DMD: variants seen among roughly 807,000 people sequenced by gnomAD.
DMD encodes mutant dystrophin.
In DMD, 63 loss-of-function variants were observed where a neutral mutation model predicts 330.1. That is an observed-to-expected ratio of 0.19 (90% confidence interval 0.16 to 0.24). The LOEUF (loss-of-function observed/expected upper bound fraction) is 0.24. DMD is among the 10% of genes least tolerant of loss of function. The pLI, the probability that DMD is intolerant of heterozygous loss-of-function variation, is 1.00. For missense variants in DMD, 3,344 were observed against 2,684.1 expected, an observed-to-expected ratio of 1.25 and a Z score of -5.43; for synonymous variants, 1,223 against 959.8, an observed-to-expected ratio of 1.27 and a Z score of -5.07.
chrX:32,312,254 G>C (rs1224017816), intron 41 of DMD, among the ~76,000 whole-genome samples: 1 of 111,129 alleles, frequency 9.0e-6, no homozygotes, highest in African/African-American at 3.3e-5. Flanking sequence ...AACAAAAGCA[G>C]TGGGAATTCA....
intron 41 of DMD, among the ~76,000 whole-genome samples, chrX:32,321,556 G>A (rs2097615180): frequency 9.0e-6 from 1 of 111,149 alleles, no homozygotes; most frequent in South Asian, 3.8e-4. Flanking sequence ...ACATGGTTGA[G>A]GACAGCCTTA....
At chrX:32,832,911 G>T (rs776057235) in intron 4 of DMD, among the ~76,000 whole-genome samples, 2 of 111,067 alleles carry the variant, frequency 1.8e-5, no homozygotes, top group Admixed American at 9.6e-5. Context: ...CGTATTTCAA[G>T]AATTATTTTT....
At chrX:32,665,807 C>T (rs960532611) in intron 9 of DMD, among the ~76,000 whole-genome samples, 5 of 112,127 alleles carry the variant, frequency 4.5e-5, no homozygotes, top group African/African-American at 6.5e-5. Context: ...ATACACTCAG[C>T]GTTGTTTCAT....
At chrX:31,886,737 G>T (rs189992988) in intron 47 of DMD, among the ~76,000 whole-genome samples, 2 of 111,672 alleles carry the variant, frequency 1.8e-5, no homozygotes, top group African/African-American at 6.5e-5. Context: ...GAGTGGGGTT[G>T]GGTGTCGATG....
intron 1 of DMD, among the ~76,000 whole-genome samples, chrX:33,153,190 C>T (rs1299696142): frequency 8.9e-6 from 1 of 112,893 alleles, no homozygotes; most frequent in African/African-American, 3.2e-5. Flanking sequence ...GCAGGCGGAT[C>T]ACCTAAGGTT....
At chrX:32,615,286 G>C (rs2035561750) in intron 11 of DMD, among the ~76,000 whole-genome samples, 1 of 111,358 alleles carries the variant, frequency 9.0e-6, no homozygotes, top group South Asian at 3.7e-4. Context: ...ATAGAAAATA[G>C]TGGGCTGGGT....
chrX:31,794,128 G>A (rs988230132), intron 50 of DMD, among the ~76,000 whole-genome samples: 6 of 111,868 alleles, frequency 5.4e-5, no homozygotes, highest in Admixed American at 1.9e-4. Context: ...GGTAAGGGAA[G>A]TGGTGTTAAA....
intron 1 of DMD, among the ~76,000 whole-genome samples, chrX:33,151,060 A>G (rs1304052986): frequency 8.9e-6 from 1 of 112,666 alleles, no homozygotes; most frequent in Non-Finnish European, 1.9e-5. Flanking sequence ...AGAGGTCAGC[A>G]TGCTTTGCTA....
chrX:31,755,085 A>AT (rs1238329629), intron 51 of DMD, among the ~76,000 whole-genome samples: 1 of 111,052 alleles, frequency 9.0e-6, no homozygotes, highest in African/African-American at 3.3e-5. Context: ...TAGAGTTAGA[A>AT]TTTAATCAGA....
chrX:31,879,422 C>T (rs935921459), intron 47 of DMD, among the ~76,000 whole-genome samples: 1 of 111,265 alleles, frequency 9.0e-6, no homozygotes, highest in Non-Finnish European at 1.9e-5. Flanking sequence ...GTGGGGATTA[C>T]CATAATTCAA....
intron 44 of DMD, among the ~76,000 whole-genome samples, chrX:32,100,878 C>T (rs965544100): frequency 9.0e-6 from 1 of 111,499 alleles, no homozygotes; most frequent in Non-Finnish European, 1.9e-5. Context: ...GCAAGTACAT[C>T]GATTGCTTTA....
At position 31,914,589 on chromosome X, in the gene DMD, G is replaced by A. The variant is rs184042889; in HGVS notation, c.6912+15007C>T. ...AGATCCTGTCATTTGCAACAACATGGATGGAAATGGAGGTCATTATCTTAA... is the reference window on the plus strand; with the variant it reads ...AGATCCTGTCATTTGCAACAACATGAATGGAAATGGAGGTCATTATCTTAA... On this transcript the variant is annotated intron_variant, in intron 47 of 78. Coordinates refer to ENST00000357033, the MANE Select transcript of DMD (RefSeq NM_004006.3). 4.0e-4 allele frequency among the ~76,000 whole-genome samples: 45 copies of A among 112,075 alleles called. No individual in the cohort carries two copies. In the Middle Eastern group the frequency reaches 0.018, roughly 45 times the overall value.
intron 44 of DMD, among the ~76,000 whole-genome samples, chrX:32,004,906 A>T: frequency 9.0e-6 from 1 of 111,651 alleles, no homozygotes; most frequent in South Asian, 3.7e-4. Context: ...TGCCTAACCT[A>T]GAGTGGATGT....
intron 57 of DMD, among the ~76,000 whole-genome samples, chrX:31,487,138 C>T (rs777494760): frequency 1.8e-5 from 2 of 112,035 alleles, no homozygotes; most frequent in South Asian, 3.7e-4. Flanking sequence ...CCTTAATAGT[C>T]ATTTGAGACA....
At chrX:32,707,417 C>G (rs1392606894) in intron 7 of DMD, among the ~76,000 whole-genome samples, 1 of 111,791 alleles carries the variant, frequency 8.9e-6, no homozygotes, top group Non-Finnish European at 1.9e-5. Flanking sequence ...ACCAAACATC[C>G]TGAGAGTGCC....
intron 59 of DMD, among the ~76,000 whole-genome samples, chrX:31,462,211 G>A (rs757165636): frequency 8.9e-5 from 10 of 112,070 alleles, no homozygotes; most frequent in African/African-American, 3.2e-4. Context: ...TCGGTGTTGT[G>A]GCTTACGCCT....
intron 12 of DMD, among the ~76,000 whole-genome samples, chrX:32,606,815 A>G (rs772372622): frequency 9.2e-6 from 1 of 108,530 alleles, no homozygotes; most frequent in East Asian, 2.9e-4. Context: ...CTAAGAAAGT[A>G]TGAAATCCTG....
chrX:31,295,247 G>A (rs1019681269), intron 62 of DMD, among the ~76,000 whole-genome samples: 6 of 110,613 alleles, frequency 5.4e-5, no homozygotes, highest in South Asian at 7.9e-4. Flanking sequence ...CGCCCACCTC[G>A]GCCTCACAAA....
intron 57 of DMD, among the ~76,000 whole-genome samples, chrX:31,494,019 T>C (rs974099122): frequency 1.8e-5 from 2 of 109,259 alleles, no homozygotes; most frequent in Non-Finnish European, 3.8e-5. Flanking sequence ...TAGGTGGGCA[T>C]GGTGGCGCGT....
Sources: gnomAD v4.1 joint callset for allele counts (sites outside exome capture counted in the v4.1 genomes callset) on GRCh38, gnomAD v4.1.1 for gene constraint, MANE v1.5 for transcripts, NCBI Gene and HGNC (gene_info 2026-07-23, HGNC 2026-07-21) for gene names.